Variants in PPP1R9A observed in about 807,000 individuals in gnomAD.
PPP1R9A encodes neurabin-1.
Under a neutral mutation model 141.9 loss-of-function variants are expected in PPP1R9A, and 59 were observed. The observed-to-expected ratio is 0.42, with a 90% CI of 0.34 to 0.52. The LOEUF is 0.52. Ranked by LOEUF, PPP1R9A falls within the 20% of genes least tolerant of loss-of-function variation. The pLI is 0.10. For missense variants in PPP1R9A, 1,444 were observed against 1,611.9 expected, an observed-to-expected ratio of 0.90 and a Z score of 1.78; for synonymous variants, 500 against 569.7, an observed-to-expected ratio of 0.88 and a Z score of 1.74.
At chr7:94,929,247 A>G (rs764948137) in intron 2 of PPP1R9A, among the ~76,000 whole-genome samples, 6 of 152,312 alleles carry the variant, frequency 3.9e-5, no homozygotes, top group Admixed American at 1.3e-4. Flanking sequence ...ACATCTCCCA[A>G]GGAGCTTGAA....
Position 95,166,058 on chromosome 7 carries a change from A to G in PPP1R9A, c.1754+4087A>G, listed in dbSNP as rs565796037. 2.4e-4 allele frequency among the ~76,000 whole-genome samples: 37 copies of G among 151,290 alleles called. 1 individual carries two copies. The highest frequency in any genetic ancestry group is 9.0e-4 in the African/African-American group (37 of 41,278). The stretch of plus-strand genomic sequence containing the variant: ...CAGCTACTTGGGAGGCTGAGGCAGG[A>G]GAATCACTTGAACCTGGGAGGCAGA... On this transcript the variant is annotated intron_variant, in intron 5 of 19. Transcript: ENST00000433360.
chr7:94,994,057 C>T (rs750521256), intron 2 of PPP1R9A, among the ~76,000 whole-genome samples: 16 of 151,844 alleles, frequency 1.1e-4, no homozygotes, highest in African/African-American at 3.1e-4. Flanking sequence ...TTTATTTAAC[C>T]GAAGTTTTAT....
At chr7:95,154,943 C>T (rs989315420) in intron 4 of PPP1R9A, 2 of 152,078 alleles carry the variant, frequency 1.3e-5, no homozygotes, top group African/African-American at 2.4e-5. Context: ...CAAGAAATCC[C>T]TTTAATCTTA....
At chr7:94,964,932 C>T (rs1798038806) in intron 2 of PPP1R9A, among the ~76,000 whole-genome samples, 1 of 152,208 alleles carries the variant, frequency 6.6e-6, no homozygotes, top group African/African-American at 2.4e-5. Context: ...CTAACTTACA[C>T]TCCCACCAAC....
intron 2 of PPP1R9A, among the ~76,000 whole-genome samples, chr7:95,086,959 G>C (rs1442472996): frequency 6.6e-6 from 1 of 151,648 alleles, no homozygotes; most frequent in Non-Finnish European, 1.5e-5. Flanking sequence ...GAGGAGGGAG[G>C]ATCTCTCCAG....
chr7:95,270,636 C>T (rs1802030875), intron 14 of PPP1R9A, among the ~76,000 whole-genome samples: 1 of 152,112 alleles, frequency 6.6e-6, no homozygotes, highest in African/African-American at 2.4e-5. Flanking sequence ...TTCCTCGTTC[C>T]TGTTATATAA....
chr7:94,991,949 G>A (rs1801570182), intron 2 of PPP1R9A, among the ~76,000 whole-genome samples: 1 of 152,186 alleles, frequency 6.6e-6, no homozygotes, highest in African/African-American at 2.4e-5. Context: ...AGTGCACCCG[G>A]CCTGTTGTCA....
intron 2 of PPP1R9A, among the ~76,000 whole-genome samples, chr7:95,009,609 T>TG (rs1247129478): frequency 6.6e-6 from 1 of 152,178 alleles, no homozygotes; most frequent in African/African-American, 2.4e-5. Flanking sequence ...TCAAGAATAC[T>TG]GGGAGTTGTA....
chr7:95,217,070 T>A lies in PPP1R9A; in HGVS notation c.1957-8891T>A, dbSNP rs12533268. Among the ~76,000 whole-genome samples the A allele has an allele frequency of 9.4e-3, 1,437 of 152,286 alleles. 76 individuals carry two copies. Among genetic ancestry groups the A allele is most frequent in the Admixed American group, 0.083 (1,261 of 15,274 alleles). On this transcript the variant is annotated intron_variant, in intron 7 of 19. Transcript: ENST00000433360. ...CAGTTTTCAAAGGGAAGGCTTCCAG[T>A]TTTGGGCCATTCAGTATGATATTGG...
intron 2 of PPP1R9A, among the ~76,000 whole-genome samples, chr7:95,085,517 C>T (rs890135325): frequency 1.3e-5 from 2 of 149,728 alleles, no homozygotes; most frequent in African/African-American, 5.0e-5. Flanking sequence ...TGGGTTCAAG[C>T]GATTCTCCTG....
Position 95,115,163 on chromosome 7 carries a change from A to G in PPP1R9A, c.1528+3772A>G, listed in dbSNP as rs145030652. On this transcript the variant is annotated intron_variant, in intron 3 of 19. Coordinates refer to ENST00000433360, the MANE Select transcript of PPP1R9A (RefSeq NM_001166160.2). Reference sequence around the variant, plus strand: ...AATACATCTATAAAATATATCAATCATAATACTGAGTGGAGAAAATTGAAA... The same window carrying G: ...AATACATCTATAAAATATATCAATCGTAATACTGAGTGGAGAAAATTGAAA... Among the ~76,000 whole-genome samples, 49 of 152,288 alleles carry G rather than the reference A, an allele frequency of 3.2e-4. 1 individual carries two copies. Among genetic ancestry groups the G allele is most frequent in the African/African-American group, 1.1e-3 (45 of 41,580 alleles).
At chr7:95,221,432 C>A (rs1355887078) in intron 7 of PPP1R9A, among the ~76,000 whole-genome samples, 1 of 152,048 alleles carries the variant, frequency 6.6e-6, no homozygotes, top group African/African-American at 2.4e-5. Context: ...ATAACAGATA[C>A]TCTCTGTTCC....
In PPP1R9A at chr7:94,923,416, A is replaced by G. The variant is rs190113615; in HGVS notation, c.1395+11908A>G. Among the ~76,000 whole-genome samples, 620 of 152,294 alleles carry G rather than the reference A, an allele frequency of 4.1e-3. 5 individuals carry two copies. Among genetic ancestry groups the G allele is most frequent in the African/African-American group, 0.014 (592 of 41,574 alleles). On this transcript the variant is annotated intron_variant, in intron 2 of 19. Coordinates refer to ENST00000433360, the MANE Select transcript of PPP1R9A (RefSeq NM_001166160.2). ...TGATGTCTTAGATTATTGAGCCTCAACAGGCTTGCTCTCTGTGAAGGTGAG... is the reference window on the plus strand; with the variant it reads ...TGATGTCTTAGATTATTGAGCCTCAGCAGGCTTGCTCTCTGTGAAGGTGAG...
chr7:95,192,743 T>C (rs1388939184), intron 5 of PPP1R9A, among the ~76,000 whole-genome samples: 1 of 152,114 alleles, frequency 6.6e-6, no homozygotes, highest in Non-Finnish European at 1.5e-5. Flanking sequence ...TTTTCCCTTT[T>C]ACTTACCATT....
At chr7:95,169,119 A>T (rs964027345) in intron 5 of PPP1R9A, among the ~76,000 whole-genome samples, 2 of 152,112 alleles carry the variant, frequency 1.3e-5, no homozygotes, top group African/African-American at 4.8e-5. Flanking sequence ...AATAGCAGTG[A>T]TATGGAATCA....
chr7:95,105,531 A>C (rs1183386118), intron 2 of PPP1R9A, among the ~76,000 whole-genome samples: 1 of 152,238 alleles, frequency 6.6e-6, no homozygotes, highest in Non-Finnish European at 1.5e-5. Context: ...TCTCAGTGAA[A>C]TAAAACAGGA....
chr7:95,286,155 C>G, intron 17 of PPP1R9A, 51 bp from the exon 18 acceptor site: 1 of 1,602,914 alleles, frequency 6.2e-7, no homozygotes, highest in Non-Finnish European at 8.5e-7. Flanking sequence ...ACACCTACCT[C>G]TTGCTCACTC....
At chr7:95,015,942 A>T (rs975529646) in intron 2 of PPP1R9A, among the ~76,000 whole-genome samples, 2 of 152,052 alleles carry the variant, frequency 1.3e-5, no homozygotes, top group Non-Finnish European at 2.9e-5. Flanking sequence ...AGGCCTAGCT[A>T]CTCAGGAGAC....
At chr7:95,206,659 TC>T (rs1463940521) in intron 7 of PPP1R9A, among the ~76,000 whole-genome samples, 1 of 152,200 alleles carries the variant, frequency 6.6e-6, no homozygotes, top group Non-Finnish European at 1.5e-5. Flanking sequence ...TTTCTCCAAT[TC>T]TAGAATGTAA....
Sources: gnomAD v4.1 joint callset for allele counts (sites outside exome capture counted in the v4.1 genomes callset) on GRCh38, gnomAD v4.1.1 for gene constraint, MANE v1.5 for transcripts, NCBI Gene and HGNC (gene_info 2026-07-23, HGNC 2026-07-21) for gene names.